BDNF: variants seen among roughly 807,000 people sequenced by gnomAD.
BDNF encodes brain derived neurotrophic factor.
BDNF carries 1 observed loss-of-function variant against 19.5 expected under a neutral mutation model. The ratio of observed to expected loss-of-function variants is 0.05; its 90% CI spans 0.02 to 0.24. The LOEUF is 0.24. Among genes scored for constraint, BDNF ranks in the 10% least tolerant of loss-of-function variants. The pLI is 1.00. For synonymous variants in BDNF, 100 were observed against 121.6 expected (o/e 0.82, Z 1.17); for missense variants, 195 against 317.6 (o/e 0.61, Z 2.93).
Position 27,656,656 on chromosome 11 carries a change from G to A in BDNF, c.*1165C>T, listed in dbSNP as rs41282916. 0.035 allele frequency: 34,554 copies of A among 985,690 alleles called. 680 individuals carry two copies. Among genetic ancestry groups the A allele is most frequent in the Non-Finnish European group, 0.039 (32,710 of 829,892 alleles). 61.1% of individuals were successfully genotyped at this position (985,690 alleles called of 1,614,324 possible). On this transcript the variant is annotated 3_prime_UTR_variant, in exon 2 of 2. Transcript: ENST00000356660. ...TGTGGATTCCTGTTCTGATCTAGGT[G>A]TTTCTGGGTTGATACAGGGCTCTAC...
rs1859082020 is a variant in BDNF at position 27,696,975 on chromosome 11, C to T, written c.-22+3189G>A. Among the ~76,000 whole-genome samples the T allele has an allele frequency of 2.6e-5, 4 of 152,124 alleles. No homozygotes were observed. The South Asian group carries it at 8.3e-4, about 32-fold the overall frequency. ...TCTTCTGTACTCCGGGATTAATTTC[C>T]TACATCTCAAAATGTTAATAAACTA... On this transcript the variant is annotated intron_variant, in intron 1 of 1. Coordinates refer to ENST00000356660, the MANE Select transcript of BDNF (RefSeq NM_001709.5).
intron 1 of BDNF, chr11:27,697,515 A>G (rs1331123209): frequency 6.6e-6 from 1 of 152,098 alleles, no homozygotes; most frequent in East Asian, 1.9e-4. Context: ...AACAAGAAAT[A>G]CCCCAGGACC....
chr11:27,685,373 AG>A (rs1482013613), intron 1 of BDNF, among the ~76,000 whole-genome samples: 2 of 152,080 alleles, frequency 1.3e-5, no homozygotes, highest in African/African-American at 4.8e-5. Flanking sequence ...ATTTTTTTGA[AG>A]GGTTTTTTGT....
chr11:27,714,347 T>C (rs760027354), intron 1 of BDNF, among the ~76,000 whole-genome samples: 2 of 152,192 alleles, frequency 1.3e-5, no homozygotes, highest in Admixed American at 6.5e-5. Flanking sequence ...ATCATGTGTA[T>C]ATAATGCATT....
intron 1 of BDNF, chr11:27,665,127 AC>A (rs1854094007): frequency 6.6e-6 from 1 of 152,250 alleles, no homozygotes. Flanking sequence ...GGGATCTGTT[AC>A]AATTCACTGA....
rs572314484 is a variant in BDNF at position 27,690,898 on chromosome 11, T to TA, written c.-22+9265dup. On this transcript the variant is annotated intron_variant, in intron 1 of 1. Transcript: ENST00000356660. ...AAAGACCCATGCATATCCTTGTATG[T>TA]AAAAAAAAAAAAAATCCATCATAAA... Among the ~76,000 whole-genome samples, 488 of 142,660 alleles carry TA rather than the reference T, an allele frequency of 3.4e-3. 2 individuals are homozygous for TA. The highest frequency in any genetic ancestry group is 0.011 in the Middle Eastern group (3 of 276). The allele number at this position is 142,660 out of a possible 152,430, so 93.6% of individuals were successfully genotyped here.
At chr11:27,693,429 T>G (rs964979350) in intron 1 of BDNF, among the ~76,000 whole-genome samples, 1 of 152,232 alleles carries the variant, frequency 6.6e-6, no homozygotes, top group Non-Finnish European at 1.5e-5. Flanking sequence ...ATTTTACATT[T>G]AAGTAAATGT....
At chr11:27,695,636 CCTTA>C (rs1330256556) in intron 1 of BDNF, among the ~76,000 whole-genome samples, 1 of 152,104 alleles carries the variant, frequency 6.6e-6, no homozygotes, top group East Asian at 1.9e-4. Flanking sequence ...ATATAACGTT[CCTTA>C]CTCTCTAGGC....
At chr11:27,661,006 ATAAT>A (rs1015532413) in intron 1 of BDNF, among the ~76,000 whole-genome samples, 2 of 152,204 alleles carry the variant, frequency 1.3e-5, no homozygotes, top group African/African-American at 2.4e-5. Context: ...TATGAGAAAA[ATAAT>A]TAATGCTTTA....
chr11:27,656,774 T>A lies in BDNF; in HGVS notation c.*1047A>T, dbSNP rs530489347. The A allele has an allele frequency of 5.1e-6, 5 of 985,322 alleles. No homozygotes were observed. The African/African-American group carries it at 8.7e-5, about 17-fold the overall frequency. The allele number at this position is 985,322 out of a possible 1,614,324, so 61.0% of individuals were successfully genotyped here. On this transcript the variant is annotated 3_prime_UTR_variant, in exon 2 of 2. Coordinates refer to ENST00000356660, the MANE Select transcript of BDNF (RefSeq NM_001709.5). Reference sequence around the variant, plus strand: ...AATGTTCACTCCTCATAAAAAATAATCTTCATTTTGGGGTTATTTTTTGTT... The same window carrying A: ...AATGTTCACTCCTCATAAAAAATAAACTTCATTTTGGGGTTATTTTTTGTT...
At chr11:27,684,023 C>G (rs11030113) in intron 1 of BDNF, among the ~76,000 whole-genome samples, 1 of 152,136 alleles carries the variant, frequency 6.6e-6, no homozygotes, top group African/African-American at 2.4e-5. Context: ...GATATTGATT[C>G]TTCCTATCCA....
intron 1 of BDNF, among the ~76,000 whole-genome samples, chr11:27,686,605 T>C (rs1590381530): frequency 1.3e-5 from 2 of 152,172 alleles, no homozygotes; most frequent in African/African-American, 4.8e-5. Context: ...GGTGACAAAA[T>C]CTCTCAGCAT....
upstream of BDNF, among the ~76,000 whole-genome samples, chr11:27,703,541 A>T (rs1371314198): frequency 6.6e-6 from 1 of 152,252 alleles, no homozygotes; most frequent in Admixed American, 6.5e-5. Flanking sequence ...CTAAATTCAC[A>T]TTGGCACGTC....
chr11:27,719,392 C>A, intron 1 of BDNF: 1 of 903,864 alleles, frequency 1.1e-6, no homozygotes. Flanking sequence ...TCTTCTCCAC[C>A]GCCTCCAGCC....
chr11:27,678,054 A>G (rs1856410315), intron 1 of BDNF, among the ~76,000 whole-genome samples: 1 of 152,186 alleles, frequency 6.6e-6, no homozygotes, highest in Admixed American at 6.5e-5. Context: ...GGTCCTGCCT[A>G]ACTCCCACTT....
intron 1 of BDNF, chr11:27,698,114 T>C (rs989445104): frequency 5.3e-5 from 8 of 151,052 alleles, no homozygotes; most frequent in Admixed American, 4.7e-4. Context: ...GCCCTGGAAT[T>C]CCAGTAATGG....
At chr11:27,719,331 C>T (rs550289305) in intron 1 of BDNF, among the ~76,000 whole-genome samples, 1 of 152,330 alleles carries the variant, frequency 6.6e-6, no homozygotes, top group African/African-American at 2.4e-5. Context: ...GCGGTCTGCG[C>T]GTCCAGCTGA....
intron 1 of BDNF, among the ~76,000 whole-genome samples, chr11:27,671,774 A>G (rs1041184744): frequency 2.6e-5 from 4 of 152,162 alleles, no homozygotes; most frequent in Non-Finnish European, 4.4e-5. Flanking sequence ...CTTCTAAGAA[A>G]TGCAGAATCT....
chr11:27,670,009 T>C (rs747273708), intron 1 of BDNF, among the ~76,000 whole-genome samples: 4 of 152,122 alleles, frequency 2.6e-5, no homozygotes, highest in Non-Finnish European at 5.9e-5. Context: ...CTTCAAACTA[T>C]ATTACAAGGC....
Sources: allele counts gnomAD v4.1 joint callset (sites outside exome capture counted in the v4.1 genomes callset), GRCh38; gene constraint gnomAD v4.1.1; transcripts MANE v1.5; gene names NCBI Gene and HGNC (gene_info 2026-07-23, HGNC 2026-07-21).